THSD7B: variants seen among roughly 807,000 people sequenced by gnomAD.
THSD7B encodes the protein thrombospondin type 1 domain containing 7B.
In THSD7B, 138 loss-of-function variants were observed where a neutral mutation model predicts 213.6. The ratio of observed to expected loss-of-function variants is 0.65; its 90% CI spans 0.56 to 0.74. The LOEUF is 0.74. Ranked by LOEUF, THSD7B falls within the 30% of genes least tolerant of loss-of-function variation. The pLI is 0.00. For synonymous variants in THSD7B, 742 were observed against 687.0 expected (o/e 1.08, Z -1.25); for missense variants, 1,931 against 1,991.5 (o/e 0.97, Z 0.58).
intron 12 of THSD7B, 74 bp from the exon 13 acceptor site, chr2:137,405,539 G>C (rs1686495588): frequency 2.8e-6 from 4 of 1,415,522 alleles, no homozygotes; most frequent in Non-Finnish European, 3.8e-6. Context: ...GGGGGATTCT[G>C]CTGTCTTGTC....
intron 12 of THSD7B, among the ~76,000 whole-genome samples, chr2:137,343,144 G>A (rs1684800476): frequency 6.6e-6 from 1 of 150,620 alleles, no homozygotes; most frequent in African/African-American, 2.4e-5. Flanking sequence ...TTTTGCAAGA[G>A]TTTTGTGTTT....
intron 13 of THSD7B, among the ~76,000 whole-genome samples, 156 bp from the exon 14 acceptor site, chr2:137,411,453 C>T (rs1030848299): frequency 3.3e-5 from 5 of 152,094 alleles, no homozygotes; most frequent in South Asian, 2.1e-4. Flanking sequence ...GAGTTGTTTC[C>T]GTTGTCTCAG....
chr2:137,673,445 A>ATGAC (rs1241240769), intron 27 of THSD7B, among the ~76,000 whole-genome samples: 2 of 152,174 alleles, frequency 1.3e-5, no homozygotes, highest in African/African-American at 4.8e-5. Flanking sequence ...TGGGCACAGG[A>ATGAC]TGACTGGTGG....
At chr2:136,783,267 G>A (rs1037955118) in intron 1 of THSD7B, among the ~76,000 whole-genome samples, 1 of 152,104 alleles carries the variant, frequency 6.6e-6, no homozygotes, top group African/African-American at 2.4e-5. Context: ...GGCTGACTAT[G>A]GCTTAGTGTG....
At chr2:137,285,245 T>G (rs1198657365) in intron 12 of THSD7B, among the ~76,000 whole-genome samples, 1 of 152,138 alleles carries the variant, frequency 6.6e-6, no homozygotes, top group Non-Finnish European at 1.5e-5. Context: ...TTGTTTTCCA[T>G]TTGCTTGGTA....
At chr2:137,286,090 C>A (rs1683170393) in intron 12 of THSD7B, among the ~76,000 whole-genome samples, 1 of 146,026 alleles carries the variant, frequency 6.8e-6, no homozygotes, top group African/African-American at 2.6e-5. Context: ...GTGAGAGAGA[C>A]TCTGTCTAAA....
At chr2:136,864,107 G>A (rs971155708) in intron 1 of THSD7B, among the ~76,000 whole-genome samples, 1 of 152,158 alleles carries the variant, frequency 6.6e-6, no homozygotes, top group Non-Finnish European at 1.5e-5. Flanking sequence ...TTTTGCCGCA[G>A]ATTATTTTCC....
rs566350700 is a variant in THSD7B at position 137,067,267 on chromosome 2, C to A, written c.950+10037C>A. 7.0e-4 allele frequency among the ~76,000 whole-genome samples: 107 copies of A among 152,110 alleles called. 1 individual carries two copies. The highest frequency in any genetic ancestry group is 2.4e-3 in the African/African-American group (98 of 41,498). On this transcript the variant is annotated intron_variant, in intron 3 of 27. Coordinates refer to ENST00000409968, the MANE Select transcript of THSD7B (RefSeq NM_001316349.2). ...GTGTAATGTTTTGTTGAAAGCTGGACATGATGTACCAGGCAAATGGAACGG... is the reference window on the plus strand; with the variant it reads ...GTGTAATGTTTTGTTGAAAGCTGGAAATGATGTACCAGGCAAATGGAACGG...
intron 14 of THSD7B, among the ~76,000 whole-genome samples, chr2:137,432,323 G>A (rs1410105851): frequency 1.3e-5 from 2 of 152,192 alleles, no homozygotes; most frequent in African/African-American, 4.8e-5. Flanking sequence ...TTTGGGAGTC[G>A]GAGGTTGCAG....
intron 20 of THSD7B, among the ~76,000 whole-genome samples, chr2:137,629,801 G>C (rs1682705672): frequency 6.6e-6 from 1 of 152,084 alleles, no homozygotes; most frequent in Non-Finnish European, 1.5e-5. Flanking sequence ...GTTTCTAAGG[G>C]TCTAGTAGGA....
chr2:136,964,020 G>T (rs1437257641), intron 2 of THSD7B, among the ~76,000 whole-genome samples: 1 of 151,216 alleles, frequency 6.6e-6, no homozygotes, highest in Non-Finnish European at 1.5e-5. Context: ...CCTCTAGTTT[G>T]CACCCTTGCA....
chr2:136,983,078 T>TAA (rs35691845), intron 2 of THSD7B, among the ~76,000 whole-genome samples: 300 of 146,340 alleles, frequency 2.1e-3, no homozygotes, highest in East Asian at 9.5e-3. Context: ...AGTTTAAAAT[T>TAA]AAAAAAAAAA....
chr2:137,293,504 C>T (rs917503158), intron 12 of THSD7B, among the ~76,000 whole-genome samples: 1 of 148,476 alleles, frequency 6.7e-6, no homozygotes, highest in African/African-American at 2.6e-5. Context: ...TTTTCTCTCT[C>T]TCTCTATCTT....
chr2:137,311,967 CT>C (rs1683921809), intron 12 of THSD7B, among the ~76,000 whole-genome samples: 2 of 145,726 alleles, frequency 1.4e-5, no homozygotes, highest in East Asian at 2.0e-4. Flanking sequence ...CTAAAATTCT[CT>C]TTTTTGGTTG....
Position 137,315,044 on chromosome 2 carries a change from G to T in THSD7B, c.2500+39018G>T, listed in dbSNP as rs1344250987. Reference sequence around the variant, plus strand: ...CTGTGTTGGGCTCCACCCAGTTCGAGCTTCCCAGCTGCTTTGTTTACCTAA... The same window carrying T: ...CTGTGTTGGGCTCCACCCAGTTCGATCTTCCCAGCTGCTTTGTTTACCTAA... On this transcript the variant is annotated intron_variant, in intron 12 of 27. Coordinates refer to ENST00000409968, the MANE Select transcript of THSD7B (RefSeq NM_001316349.2). Among the ~76,000 whole-genome samples, 23 of 152,366 alleles carry T rather than the reference G, an allele frequency of 1.5e-4. No individual in the cohort carries two copies. The South Asian group carries it at 4.8e-3, about 32-fold the overall frequency.
chr2:137,314,476 T>G (rs900851823), intron 12 of THSD7B, among the ~76,000 whole-genome samples: 3 of 152,188 alleles, frequency 2.0e-5, no homozygotes, highest in Non-Finnish European at 4.4e-5. Context: ...CTCGGAGTAA[T>G]TTGATTGTCT....
At chr2:137,173,950 T>C (rs115829374) in intron 7 of THSD7B, among the ~76,000 whole-genome samples, 1,891 of 152,284 alleles carry the variant, frequency 0.012, 34 homozygotes, top group African/African-American at 0.041. Context: ...TTTCCTTTTG[T>C]TTTTTTCTTT....
Position 136,765,628 on chromosome 2 carries a change from C to A in THSD7B, c.-95C>A, listed in dbSNP as rs1480392483. 1 of 151,476 alleles carries A rather than the reference C, an allele frequency of 6.6e-6. No individual in the cohort carries two copies. The highest frequency in any genetic ancestry group is 1.5e-5 in the Non-Finnish European group (1 of 68,044). The allele number at this position is 151,476 out of a possible 1,614,324, so 9.4% of individuals were successfully genotyped here. Reference sequence around the variant, plus strand: ...GACACACACCACCATCTTTCTTGCGCTCGGGAAGCTCGGGGCTCAGCGGCT... The same window carrying A: ...GACACACACCACCATCTTTCTTGCGATCGGGAAGCTCGGGGCTCAGCGGCT... On this transcript the variant is annotated 5_prime_UTR_variant, in exon 1 of 28. Transcript: ENST00000409968.
intron 1 of THSD7B, among the ~76,000 whole-genome samples, chr2:136,833,844 A>C (rs1682799607): frequency 6.6e-6 from 1 of 152,188 alleles, no homozygotes; most frequent in Non-Finnish European, 1.5e-5. Flanking sequence ...TGAGATGTGG[A>C]TAATCACTTC....
Sources: gnomAD v4.1 joint callset for allele counts (sites outside exome capture counted in the v4.1 genomes callset) on GRCh38, gnomAD v4.1.1 for gene constraint, MANE v1.5 for transcripts, NCBI Gene and HGNC (gene_info 2026-07-23, HGNC 2026-07-21) for gene names.